Variants in SND1 observed in about 807,000 individuals in gnomAD.
SND1 encodes the protein staphylococcal nuclease domain-containing protein 1.
SND1 carries 38 observed loss-of-function variants against 121.7 expected under a neutral mutation model. The ratio of observed to expected loss-of-function variants is 0.31; its 90% confidence interval spans 0.24 to 0.41. The LOEUF is 0.41. SND1 is among the 10% of genes least tolerant of loss of function. SND1 has a pLI of 1.00. For missense variants in SND1, 868 were observed against 1,184.6 expected, an observed-to-expected ratio of 0.73 and a Z score of 3.92; for synonymous variants, 401 against 447.4, an observed-to-expected ratio of 0.90 and a Z score of 1.31.
rs1003450401 is a variant in SND1 at position 127,817,711 on chromosome 7, T to C, written c.1242+10138T>C. Among the ~76,000 whole-genome samples, 31 of 150,814 alleles carry C rather than the reference T, an allele frequency of 2.1e-4. 1 individual carries two copies. The highest frequency in any genetic ancestry group is 3.5e-4 in the Non-Finnish European group (24 of 67,860). On this transcript the variant is annotated intron_variant, in intron 11 of 23. Coordinates refer to ENST00000354725, the MANE Select transcript of SND1 (RefSeq NM_014390.4). ...CATGCCAAGCCATTTCACAACTTCT[T>C]TCCTTCATACTTTTTTTTTTTTTTT...
chr7:127,928,749 C>T (rs374231870), intron 14 of SND1, among the ~76,000 whole-genome samples: 74 of 152,070 alleles, frequency 4.9e-4, no homozygotes, highest in Non-Finnish European at 7.2e-4. Flanking sequence ...CCACCATGCC[C>T]GGCTAATTTT....
At chr7:127,784,930 G>GT (rs765874638) in intron 10 of SND1, among the ~76,000 whole-genome samples, 52 of 152,216 alleles carry the variant, frequency 3.4e-4, no homozygotes, top group Middle Eastern at 3.4e-3. Flanking sequence ...GTTTTGTTTT[G>GT]TTTTTTGAGA....
At chr7:127,676,318 T>C (rs1795615357) in intron 1 of SND1, among the ~76,000 whole-genome samples, 1 of 152,196 alleles carries the variant, frequency 6.6e-6, no homozygotes, top group Non-Finnish European at 1.5e-5. Flanking sequence ...TTTATTGAGT[T>C]ACCTTCTTGG....
intron 9 of SND1, among the ~76,000 whole-genome samples, chr7:127,709,827 G>A (rs1000934440): frequency 6.6e-6 from 1 of 152,082 alleles, no homozygotes; most frequent in Non-Finnish European, 1.5e-5. Context: ...TTGGGTACAC[G>A]TCCGCTTAGA....
chr7:127,920,843 C>A (rs1800687768), intron 14 of SND1, among the ~76,000 whole-genome samples: 1 of 137,266 alleles, frequency 7.3e-6, no homozygotes, highest in Non-Finnish European at 1.6e-5. Context: ...ACTTTCTGTG[C>A]CTAACTTATC....
intron 14 of SND1, among the ~76,000 whole-genome samples, chr7:127,924,218 G>C (rs970021118): frequency 9.2e-5 from 14 of 152,084 alleles, no homozygotes; most frequent in Non-Finnish European, 1.3e-4. Context: ...CTTCTTTCTA[G>C]CTGTTTCTCA....
chr7:127,803,393 T>G (rs894539598), intron 10 of SND1, among the ~76,000 whole-genome samples: 1 of 152,240 alleles, frequency 6.6e-6, no homozygotes, highest in African/African-American at 2.4e-5. Flanking sequence ...ATGATGTCTT[T>G]TCAGTACAGA....
At chr7:127,815,113 C>T (rs976997984) in intron 11 of SND1, among the ~76,000 whole-genome samples, 4 of 152,064 alleles carry the variant, frequency 2.6e-5, no homozygotes, top group Non-Finnish European at 5.9e-5. Flanking sequence ...CAGTTCTATC[C>T]CATGAGTATT....
intron 13 of SND1, among the ~76,000 whole-genome samples, chr7:127,896,404 C>T (rs2116748693): frequency 6.6e-6 from 1 of 152,256 alleles, no homozygotes; most frequent in South Asian, 2.1e-4. Flanking sequence ...TGTCTTACAA[C>T]TTGCTTCCCT....
At chr7:127,924,699 G>A (rs1217715319) in intron 14 of SND1, among the ~76,000 whole-genome samples, 1 of 152,100 alleles carries the variant, frequency 6.6e-6, no homozygotes, top group South Asian at 2.1e-4. Context: ...TGCTTCGTCT[G>A]CTCTCCCACC....
chr7:127,930,151 C>G (rs1376383458), intron 15 of SND1, among the ~76,000 whole-genome samples: 1 of 152,056 alleles, frequency 6.6e-6, no homozygotes, highest in Non-Finnish European at 1.5e-5. Context: ...GCCCAGCCAC[C>G]CTTGCACACA....
intron 10 of SND1, among the ~76,000 whole-genome samples, chr7:127,764,036 C>T (rs1282884825): frequency 1.1e-4 from 6 of 55,270 alleles, no homozygotes; most frequent in Non-Finnish European, 2.5e-4. Flanking sequence ...AAGACCCTGT[C>T]GCAAAAAAAA....
chr7:128,041,577 G>A (rs1043623526), intron 16 of SND1, among the ~76,000 whole-genome samples: 1 of 152,192 alleles, frequency 6.6e-6, no homozygotes, highest in Non-Finnish European at 1.5e-5. Flanking sequence ...TTGGGGATAG[G>A]TGAACATGAT....
chr7:127,926,053 AT>A (rs1355847083), intron 14 of SND1, among the ~76,000 whole-genome samples: 2 of 151,992 alleles, frequency 1.3e-5, no homozygotes, highest in Non-Finnish European at 2.9e-5. Flanking sequence ...TCAATTTTAT[AT>A]TGTTATAATC....
chr7:127,808,132 A>T (rs1584588163), intron 11 of SND1, among the ~76,000 whole-genome samples: 2 of 140,748 alleles, frequency 1.4e-5, no homozygotes, highest in African/African-American at 5.3e-5. Flanking sequence ...CTGATAGTTC[A>T]TGTGCAGATT....
chr7:128,049,457 G>A (rs1793008667), intron 16 of SND1, among the ~76,000 whole-genome samples: 2 of 152,088 alleles, frequency 1.3e-5, no homozygotes, highest in African/African-American at 4.8e-5. Flanking sequence ...GTGCCATTCT[G>A]ACATGAAGCC....
At chr7:127,832,963 G>A (rs1275428417) in intron 11 of SND1, among the ~76,000 whole-genome samples, 1 of 152,212 alleles carries the variant, frequency 6.6e-6, no homozygotes, top group Non-Finnish European at 1.5e-5. Context: ...AGGTGGGACA[G>A]TTTCATCCCG....
Position 127,998,578 on chromosome 7 carries a change from G to A in SND1, c.1779+7522G>A, listed in dbSNP as rs372199788. 9.2e-4 allele frequency: 142 copies of A among 153,610 alleles called. 1 individual carries two copies. The South Asian group carries it at 0.014, about 15-fold the overall frequency. The allele number at this position is 153,610 out of a possible 1,614,324, so 9.5% of individuals were successfully genotyped here. ...GGTCAACAAATTCCTGTTTGGAGAC[G>A]GGCTGTTCCTGAATACCAGGTTGTT... On this transcript the variant is annotated intron_variant, in intron 16 of 23. Coordinates refer to ENST00000354725, the MANE Select transcript of SND1 (RefSeq NM_014390.4).
chr7:127,802,370 C>A (rs1798148606), intron 10 of SND1, among the ~76,000 whole-genome samples: 2 of 152,234 alleles, frequency 1.3e-5, no homozygotes, highest in African/African-American at 4.8e-5. Flanking sequence ...TTCAACCAGG[C>A]TTTTACCCCT....
Sources: allele counts gnomAD v4.1 joint callset (sites outside exome capture counted in the v4.1 genomes callset), GRCh38; gene constraint gnomAD v4.1.1; transcripts MANE v1.5; gene names NCBI Gene and HGNC (gene_info 2026-07-23, HGNC 2026-07-21).